CEP89: variants seen among roughly 807,000 people sequenced by gnomAD.
The protein encoded by CEP89 is centrosomal protein 89.
Under a neutral mutation model 97.6 loss-of-function variants are expected in CEP89, and 95 were observed. That is an observed-to-expected ratio of 0.97 (90% confidence interval 0.82 to 1.15). CEP89 has a LOEUF of 1.15. CEP89 is among the 50% of genes most tolerant of loss of function. The pLI is 0.00. For synonymous variants in CEP89, 354 were observed against 349.1 expected, an observed-to-expected ratio of 1.01 and a Z score of -0.16; for missense variants, 869 against 947.7, an observed-to-expected ratio of 0.92 and a Z score of 1.09.
At chr19:32,927,593 A>T (rs1200851847) in intron 9 of CEP89, among the ~76,000 whole-genome samples, 1 of 151,974 alleles carries the variant, frequency 6.6e-6, no homozygotes, top group Non-Finnish European at 1.5e-5. Flanking sequence ...TTTAGCTGTC[A>T]AGTCTTTTAT....
chr19:32,954,953 CCATG>C (rs1052508112), intron 3 of CEP89, among the ~76,000 whole-genome samples: 2 of 151,650 alleles, frequency 1.3e-5, no homozygotes, highest in Non-Finnish European at 2.9e-5. Context: ...GCCTGAGCCA[CCATG>C]CCTGGCCCCA....
In CEP89 at chr19:32,933,583, T is replaced by A; in HGVS notation, c.754A>T (p.Asn252Tyr). ...TCAAGGGTAAGGCTTTGATTCATAT[T>A]GTTTAGGTCCATATTTTCTTCTTTT... Reference protein sequence around the residue: ...ALKEENMDLNNMNQSLTLELN... With the variant: ...ALKEENMDLNYMNQSLTLELN... The change falls in exon 8 of 19, where the codon AAT becomes TAT. Residue 252 changes from asparagine to tyrosine, a missense_variant. Transcript: ENST00000305768. The A allele has an allele frequency of 1.2e-6, 2 of 1,613,258 alleles. No individual in the cohort carries two copies. Among genetic ancestry groups the A allele is most frequent in the Non-Finnish European group, 1.7e-6 (2 of 1,179,164 alleles).
intron 1 of CEP89, among the ~76,000 whole-genome samples, chr19:32,967,036 A>G (rs73035571): frequency 0.15 from 22,106 of 152,088 alleles, 1,978 homozygotes; most frequent in Non-Finnish European, 0.21. Flanking sequence ...TACATTGCCC[A>G]GACTGGTCTC....
At chr19:32,917,965 G>C (rs758104659) in intron 13 of CEP89, among the ~76,000 whole-genome samples, 1 of 152,208 alleles carries the variant, frequency 6.6e-6, no homozygotes, top group Admixed American at 6.5e-5. Context: ...CCCAAAACCA[G>C]TTCTGCTGAG....
chr19:32,905,119 G>A (rs1969861573), intron 14 of CEP89, among the ~76,000 whole-genome samples: 1 of 152,138 alleles, frequency 6.6e-6, no homozygotes, highest in African/African-American at 2.4e-5. Context: ...GGTAGCCAGT[G>A]CTGTTAATGT....
chr19:32,937,699 A>C (rs772939325), intron 6 of CEP89, 26 bp from the exon 7 acceptor site: 4 of 1,569,720 alleles, frequency 2.5e-6, no homozygotes, highest in Middle Eastern at 1.7e-4. Flanking sequence ...CATAAGAGGA[A>C]TAAGTGCAGA....
chr19:32,949,497 A>G (rs1970867769), intron 4 of CEP89, among the ~76,000 whole-genome samples: 1 of 151,668 alleles, frequency 6.6e-6, no homozygotes, highest in Admixed American at 6.6e-5. Flanking sequence ...GCAATCCTCC[A>G]CCTCAGCCTC....
intron 12 of CEP89, among the ~76,000 whole-genome samples, chr19:32,922,378 CA>C (rs1459154133): frequency 1.3e-5 from 2 of 151,808 alleles, no homozygotes; most frequent in Non-Finnish European, 2.9e-5. Context: ...TCTGTATCTA[CA>C]AAAAATTTTA....
intron 18 of CEP89, 92 bp from the exon 19 acceptor site, chr19:32,879,470 G>C: frequency 3.8e-6 from 4 of 1,056,546 alleles, no homozygotes; most frequent in Non-Finnish European, 5.7e-6. Context: ...ACAGAAGAAC[G>C]CTATCAGCAG....
intron 8 of CEP89, 124 bp from the exon 9 acceptor site, chr19:32,931,695 CGTGTGTGTCT>C: frequency 1.4e-6 from 1 of 706,418 alleles, no homozygotes; most frequent in Non-Finnish European, 2.3e-6. Context: ...ACTGTGTGTG[CGTGTGTGTCT>C]GTGTGTGTAT....
intron 16 of CEP89, among the ~76,000 whole-genome samples, chr19:32,889,246 T>C (rs1243164225): frequency 6.6e-6 from 1 of 152,072 alleles, no homozygotes; most frequent in African/African-American, 2.4e-5. Context: ...GCTGTAGGGA[T>C]GTGTCCACTC....
At chr19:32,963,026 A>G (rs1971201105) in intron 2 of CEP89, among the ~76,000 whole-genome samples, 2 of 152,176 alleles carry the variant, frequency 1.3e-5, no homozygotes, top group African/African-American at 2.4e-5. Context: ...AAATAAGCAC[A>G]TGAAAAAAAT....
chr19:32,958,299 G>A (rs1377688674), intron 3 of CEP89, among the ~76,000 whole-genome samples: 2 of 151,964 alleles, frequency 1.3e-5, no homozygotes, highest in African/African-American at 4.8e-5. Context: ...AGTAGGAAGG[G>A]TCTTACTAAA....
In CEP89 at chr19:32,878,977, AT is replaced by A. The variant is rs879528551; in HGVS notation, c.*184del. ...ACCCTAGCTCTAAAAAAAAAAAAAA[AT>A]TAAAAAATAAAGCAAAATGTTATCA... On this transcript the variant is annotated 3_prime_UTR_variant, in exon 19 of 19. Coordinates refer to ENST00000305768, the MANE Select transcript of CEP89 (RefSeq NM_032816.5). 4.7e-5 allele frequency: 22 copies of A among 464,690 alleles called. No homozygotes were observed. The highest frequency in any genetic ancestry group is 7.9e-5 in the Non-Finnish European group (21 of 267,082). 28.8% of individuals were successfully genotyped at this position (464,690 alleles called of 1,614,324 possible).
intron 5 of CEP89, among the ~76,000 whole-genome samples, chr19:32,946,541 G>C (rs1970801577): frequency 6.6e-6 from 1 of 152,182 alleles, no homozygotes; most frequent in Non-Finnish European, 1.5e-5. Flanking sequence ...GCACAATTAA[G>C]TGTGTTTAGC....
rs148100883 is a variant in CEP89, at chr19:32,881,986, G to A, written c.1993C>T (p.Leu665=). ...AGCAGACGGTGACTGATGTCCCCCA[G>A]CTTCAGTGCTGCCTGCTTCTTGTAG... ...KGYKKQAALK[L]GDISHRLLEQ... The change falls in exon 18 of 19, where the codon CTG becomes TTG. Residue 665 remains leucine, a synonymous_variant. Transcript: ENST00000305768. The A allele has an allele frequency of 4.2e-5, 67 of 1,581,004 alleles. No homozygotes were observed. The highest frequency in any genetic ancestry group is 5.2e-5 in the Non-Finnish European group (61 of 1,163,518).
intron 3 of CEP89, among the ~76,000 whole-genome samples, 168 bp from the exon 4 acceptor site, chr19:32,953,969 C>T (rs1050588564): frequency 2.0e-5 from 3 of 151,282 alleles, no homozygotes; most frequent in Non-Finnish European, 4.4e-5. Flanking sequence ...CGTGGGTTCA[C>T]GCCATTCTCC....
Position 32,965,591 on chromosome 19 carries a change from C to T in CEP89, c.146+769G>A, listed in dbSNP as rs764651434. Among the ~76,000 whole-genome samples the T allele has an allele frequency of 6.8e-5, 10 of 147,596 alleles. No individual in the cohort carries two copies. The Admixed American group carries it at 6.8e-4, about 10-fold the overall frequency. ...CATGCCTGTAGTCCCAGCTACCCGG[C>T]GGGCTGAGATGGGAGAACTGATTGA... On this transcript the variant is annotated intron_variant, in intron 2 of 18. Transcript: ENST00000305768.
At chr19:32,957,233 T>C (rs1332038676) in intron 3 of CEP89, among the ~76,000 whole-genome samples, 1 of 152,174 alleles carries the variant, frequency 6.6e-6, no homozygotes, top group Non-Finnish European at 1.5e-5. Context: ...ATGTTCGTGG[T>C]TAAAATATAA....
Sources: gnomAD v4.1 joint callset for allele counts (sites outside exome capture counted in the v4.1 genomes callset) on GRCh38, gnomAD v4.1.1 for gene constraint, MANE v1.5 for transcripts, NCBI Gene and HGNC (gene_info 2026-07-23, HGNC 2026-07-21) for gene names.